UNK: variants seen among roughly 807,000 people sequenced by gnomAD.
UNK encodes the protein RING finger protein unkempt homolog.
UNK carries 32 observed loss-of-function variants against 97.6 expected under a neutral mutation model. The observed-to-expected ratio is 0.33, with a 90% confidence interval of 0.25 to 0.44. The LOEUF is 0.44. UNK is among the 20% of genes least tolerant of loss of function. The pLI is 1.00. For synonymous variants in UNK, 441 were observed against 461.2 expected, an observed-to-expected ratio of 0.96 and a Z score of 0.56; for missense variants, 771 against 1,098.4, an observed-to-expected ratio of 0.70 and a Z score of 4.21.
intron 1 of UNK, among the ~76,000 whole-genome samples, chr17:75,801,154 C>T (rs55674581): frequency 0.095 from 14,448 of 152,068 alleles, 865 homozygotes; most frequent in Non-Finnish European, 0.13. Context: ...CCGCCCGCCT[C>T]GACCTCCCAA....
chr17:75,793,347 T>C, intron 1 of UNK: 1 of 903,994 alleles, frequency 1.1e-6, no homozygotes, highest in Non-Finnish European at 1.3e-6. Context: ...TAAAATGATA[T>C]CAATGGCTAT....
At chr17:75,805,399 GAAAA>G (rs75234473) in intron 1 of UNK, among the ~76,000 whole-genome samples, 6 of 104,886 alleles carry the variant, frequency 5.7e-5, no homozygotes, top group Non-Finnish European at 1.2e-4. Flanking sequence ...TCTCAAAAAG[GAAAA>G]AAAAAAAAAA....
At chr17:75,796,784 A>AT (rs941489323) in intron 1 of UNK, among the ~76,000 whole-genome samples, 7 of 152,252 alleles carry the variant, frequency 4.6e-5, no homozygotes, top group Non-Finnish European at 4.4e-5. Flanking sequence ...ATAAGGAAAG[A>AT]TTTTTAGCAG....
Position 75,784,984 on chromosome 17 carries a change from C to A in UNK, c.104C>A (p.Thr35Lys). ...QAQPEKPQHY[T>K]YLKEFRTEQC... ...CAGCCCGAGAAACCGCAGCACTACA[C>A]GTACGTAGAGCCCCCCCCCCCCCGC... Residue 35 changes from threonine (T) to lysine (K), a missense_variant and splice_region_variant, in exon 1 of 16, where the codon ACG (threonine) becomes AAG (lysine). Thr to Lys is a moderately conservative substitution (Grantham distance 78). Around this residue, in one of 5 missense-constraint regions of UNK, gnomAD observed 246 missense variants for 440.7 expected, o/e 0.56. Coordinates refer to ENST00000589666, the MANE Select transcript of UNK (RefSeq NM_001080419.3). 1 of 1,466,546 alleles carries A rather than the reference C, an allele frequency of 6.8e-7. No individual in the cohort carries two copies. 90.8% of individuals were successfully genotyped at this position (1,466,546 alleles called of 1,614,324 possible).
chr17:75,790,470 A>G (rs950584090), intron 1 of UNK, among the ~76,000 whole-genome samples: 8 of 151,972 alleles, frequency 5.3e-5, no homozygotes, highest in Admixed American at 4.6e-4. Flanking sequence ...CTCTCTACTA[A>G]AAATTAAAAA....
rs2062095578 is a variant in UNK, at chr17:75,824,070, G to T, written c.2278-192G>T. ...TCTCTGAGGGGTGGGTCTTGTGGCAGCCTGGCCATGCCCCATGCAGAGGTG... is the reference window on the plus strand; with the variant it reads ...TCTCTGAGGGGTGGGTCTTGTGGCATCCTGGCCATGCCCCATGCAGAGGTG... On this transcript the variant is annotated intron_variant, in intron 15 of 15. Coordinates refer to ENST00000589666, the MANE Select transcript of UNK (RefSeq NM_001080419.3). The surrounding 1 kb of genome is among the most constrained non-coding windows in gnomAD (Gnocchi z 4.9). Among the ~76,000 whole-genome samples the T allele has an allele frequency of 6.6e-6, 1 of 152,224 alleles. No individual in the cohort carries two copies. The highest frequency in any genetic ancestry group is 2.4e-5 in the African/African-American group (1 of 41,456).
chr17:75,816,747 AC>A lies in UNK; in HGVS notation c.962-19del, dbSNP rs570361221. On this transcript the variant is annotated intron_variant, in intron 7 of 15. Coordinates refer to ENST00000589666, the MANE Select transcript of UNK (RefSeq NM_001080419.3). The surrounding 1 kb of genome is among the most constrained non-coding windows in gnomAD (Gnocchi z 4.0). ...GGACAGAGCTGGCTGGGGCCTGCTG[AC>A]CCCTGCCCCTGACTCTTGCAGAGCC... The A allele has an allele frequency of 1.8e-4, 284 of 1,584,570 alleles. No homozygotes were observed. In the African/African-American group the frequency reaches 2.2e-3, roughly 12 times the overall value.
In UNK at chr17:75,818,529, G is replaced by C. The variant is rs564604482; in HGVS notation, c.1372-113G>C. On this transcript the variant is annotated intron_variant, in intron 10 of 15. Coordinates refer to ENST00000589666, the MANE Select transcript of UNK (RefSeq NM_001080419.3). The surrounding 1 kb of genome is among the most constrained non-coding windows in gnomAD (Gnocchi z 5.1). Reference sequence around the variant, plus strand: ...GGCCCATGTGGGCATGGGGGCACCCGGACTAGAGCTAGCACGGGCCATTTC... The same window carrying C: ...GGCCCATGTGGGCATGGGGGCACCCCGACTAGAGCTAGCACGGGCCATTTC... 3 of 1,279,848 alleles carry C rather than the reference G, an allele frequency of 2.3e-6. No individual in the cohort carries two copies. Among genetic ancestry groups the C allele is most frequent in the Non-Finnish European group, 3.2e-6 (3 of 947,324 alleles). The allele number at this position is 1,279,848 out of a possible 1,614,324, so 79.3% of individuals were successfully genotyped here. A position where few individuals can be genotyped will look rare whatever the true frequency, so the allele number is the denominator to read the frequency against.
chr17:75,807,727 A>G (rs1480338563), intron 1 of UNK, among the ~76,000 whole-genome samples: 1 of 152,144 alleles, frequency 6.6e-6, no homozygotes, highest in Non-Finnish European at 1.5e-5. Flanking sequence ...TGCTGGGATT[A>G]CAGGCATGAG....
At chr17:75,803,656 CTT>C (rs2061884351) in intron 1 of UNK, among the ~76,000 whole-genome samples, 1 of 152,172 alleles carries the variant, frequency 6.6e-6, no homozygotes, top group Admixed American at 6.5e-5. Flanking sequence ...TTATTGAACT[CTT>C]AGCATCAGTA....
chr17:75,786,127 C>T (rs541313432), intron 1 of UNK, among the ~76,000 whole-genome samples: 1 of 152,216 alleles, frequency 6.6e-6, no homozygotes, highest in Non-Finnish European at 1.5e-5. Flanking sequence ...TGGCTGAAAT[C>T]ATTTAAGCTT....
intron 4 of UNK, 74 bp from the exon 5 acceptor site, chr17:75,813,004 C>A: frequency 6.7e-7 from 1 of 1,488,972 alleles, no homozygotes. Flanking sequence ...CTCCTTCCCT[C>A]CACTCCAGTC....
At chr17:75,806,582 G>T (rs1487210060) in intron 1 of UNK, among the ~76,000 whole-genome samples, 2 of 152,078 alleles carry the variant, frequency 1.3e-5, no homozygotes, top group Admixed American at 6.5e-5. Context: ...GACCAGCCTG[G>T]CCAACATGGT....
At chr17:75,810,056 G>T in intron 2 of UNK, 87 bp downstream of exon 2, 1 of 1,512,250 alleles carries the variant, frequency 6.6e-7, no homozygotes. Context: ...ATTCTGGGAA[G>T]CCATCCAGAG....
intron 1 of UNK, among the ~76,000 whole-genome samples, chr17:75,787,980 T>G (rs1014220017): frequency 6.6e-5 from 10 of 151,812 alleles, no homozygotes; most frequent in African/African-American, 2.4e-4. Flanking sequence ...GTGAATTCAT[T>G]TATTGCCCTT....
At chr17:75,803,844 T>G (rs2061886055) in intron 1 of UNK, among the ~76,000 whole-genome samples, 1 of 152,204 alleles carries the variant, frequency 6.6e-6, no homozygotes, top group Non-Finnish European at 1.5e-5. Context: ...GGAGAATCGC[T>G]CCCAACCACT....
chr17:75,809,635 G>C, intron 1 of UNK, 125 bp from the exon 2 acceptor site: 1 of 996,150 alleles, frequency 1.0e-6, no homozygotes, highest in South Asian at 1.6e-5. Flanking sequence ...GTCTCTCCTG[G>C]TGTTCCAGTG....
Position 75,820,017 on chromosome 17 carries a change from C to T in UNK, c.1746C>T (p.Ser582=), listed in dbSNP as rs757956748. 1.2e-6 allele frequency: 2 copies of T among 1,613,912 alleles called. No homozygotes were observed. The highest frequency in any genetic ancestry group is 1.7e-6 in the Non-Finnish European group (2 of 1,179,880). Residue 582 remains serine (S), a synonymous_variant, in exon 13 of 16, where the codon AGC becomes AGT. Coordinates refer to ENST00000589666, the MANE Select transcript of UNK (RefSeq NM_001080419.3). The part of the protein sequence containing the change: ...FHSASPSPPV[S]LSSHFLQQPQ... ...CAGCATCCCCGTCCCCTCCCGTCAG[C>T]CTCTCCTCGCATTTCCTGCAGCAGC... is the stretch of plus-strand genomic sequence containing the variant.
chr17:75,811,404 A>G (rs1443355138), intron 2 of UNK, among the ~76,000 whole-genome samples: 2 of 152,166 alleles, frequency 1.3e-5, no homozygotes, highest in African/African-American at 2.4e-5. Context: ...GGCCCAGCCT[A>G]GCACCTCTTT....
Sources: allele counts gnomAD v4.1 joint callset (sites outside exome capture counted in the v4.1 genomes callset), GRCh38; gene constraint gnomAD v4.1.1; regional missense constraint gnomAD v4.1.1; non-coding constraint Gnocchi (gnomAD v3.1); transcripts MANE v1.5; gene names NCBI Gene and HGNC (gene_info 2026-07-23, HGNC 2026-07-21).